The following DNAJC1 variants were observed in gnomAD, a reference collection of about 807,000 sequenced individuals.
The protein encoded by DNAJC1 is dnaJ homolog subfamily C member 1.
Under a neutral mutation model 76.6 loss-of-function variants are expected in DNAJC1, and 58 were observed. The observed-to-expected ratio is 0.76, with a 90% confidence interval of 0.61 to 0.94. The LOEUF (loss-of-function observed/expected upper bound fraction) is 0.94, where lower values mean the gene tolerates loss of function less well. Ranked by LOEUF, DNAJC1 falls within the 40% of genes least tolerant of loss-of-function variation. The pLI, the probability that DNAJC1 is intolerant of heterozygous loss-of-function variation, is 0.00. For missense variants in DNAJC1, 689 were observed against 677.3 expected (o/e 1.02, Z -0.19); for synonymous variants, 258 against 267.9 (o/e 0.96, Z 0.36).
chr10:21,804,414 A>T (rs1834856932), intron 9 of DNAJC1, among the ~76,000 whole-genome samples: 1 of 152,054 alleles, frequency 6.6e-6, no homozygotes, highest in Non-Finnish European at 1.5e-5. Flanking sequence ...GTTTCTTTTG[A>T]TAATCACTGT....
At chr10:21,867,837 C>T (rs905115642) in intron 8 of DNAJC1, among the ~76,000 whole-genome samples, 7 of 151,670 alleles carry the variant, frequency 4.6e-5, no homozygotes, top group South Asian at 2.1e-4. Context: ...TTTGGGAGGC[C>T]GAGGCGGGCA....
chr10:21,834,254 A>T (rs892904701), intron 8 of DNAJC1, among the ~76,000 whole-genome samples: 1 of 151,696 alleles, frequency 6.6e-6, no homozygotes, highest in African/African-American at 2.4e-5. Context: ...ACAGAGCAAG[A>T]CTCCATCTCA....
chr10:21,934,512 C>G (rs908055026), intron 1 of DNAJC1, among the ~76,000 whole-genome samples: 1 of 152,162 alleles, frequency 6.6e-6, no homozygotes, highest in African/African-American at 2.4e-5. Context: ...TCACCCAGAG[C>G]AACTTCCACT....
chr10:21,786,452 AT>A (rs1227488994), intron 9 of DNAJC1, among the ~76,000 whole-genome samples: 2 of 119,128 alleles, frequency 1.7e-5, no homozygotes, highest in African/African-American at 6.9e-5. Context: ...ATATATATAT[AT>A]ATATATATAT....
At chr10:21,876,642 A>G (rs1836192655) in intron 8 of DNAJC1, among the ~76,000 whole-genome samples, 1 of 152,226 alleles carries the variant, frequency 6.6e-6, no homozygotes, top group African/African-American at 2.4e-5. Flanking sequence ...TGTACTAGAT[A>G]CCTATCATGA....
intron 9 of DNAJC1, among the ~76,000 whole-genome samples, chr10:21,797,074 C>T (rs1834757627): frequency 6.6e-6 from 1 of 152,036 alleles, no homozygotes; most frequent in Non-Finnish European, 1.5e-5. Flanking sequence ...CATTTTATGG[C>T]TTCAGGTCTT....
At chr10:21,795,969 G>A (rs1230121731) in intron 9 of DNAJC1, among the ~76,000 whole-genome samples, 1 of 143,856 alleles carries the variant, frequency 7.0e-6, no homozygotes, top group Non-Finnish European at 1.5e-5. Context: ...TGGGATTTCC[G>A]CTTTTTTTTT....
At chr10:21,909,623 C>A (rs1338545808) in intron 6 of DNAJC1, among the ~76,000 whole-genome samples, 1 of 152,204 alleles carries the variant, frequency 6.6e-6, no homozygotes, top group Non-Finnish European at 1.5e-5. Context: ...ACTCAACATT[C>A]TGTTTCCCTA....
intron 1 of DNAJC1, among the ~76,000 whole-genome samples, chr10:21,985,432 A>C (rs552452706): frequency 1.3e-5 from 2 of 152,152 alleles, no homozygotes; most frequent in Admixed American, 1.3e-4. Flanking sequence ...TATTTTTAGC[A>C]GAGGTGGGGT....
intron 8 of DNAJC1, among the ~76,000 whole-genome samples, chr10:21,809,011 G>C (rs895141318): frequency 1.3e-5 from 2 of 152,114 alleles, no homozygotes; most frequent in African/African-American, 4.8e-5. Flanking sequence ...AGCAACCAAA[G>C]TAAGAACTGA....
intron 1 of DNAJC1, among the ~76,000 whole-genome samples, chr10:21,953,963 AT>A: frequency 6.6e-6 from 1 of 152,010 alleles, no homozygotes; most frequent in East Asian, 1.9e-4. Flanking sequence ...ATCAAATTAT[AT>A]AAAAAAGTTG....
chr10:21,960,301 G>T (rs957055994), intron 1 of DNAJC1, among the ~76,000 whole-genome samples: 1 of 152,040 alleles, frequency 6.6e-6, no homozygotes, highest in Non-Finnish European at 1.5e-5. Flanking sequence ...TAACAGGAAA[G>T]AACAGAATCA....
chr10:21,999,143 A>G (rs1838472235), intron 1 of DNAJC1, among the ~76,000 whole-genome samples: 1 of 152,172 alleles, frequency 6.6e-6, no homozygotes, highest in African/African-American at 2.4e-5. Flanking sequence ...AGAATGTTCT[A>G]TATTAATTGT....
chr10:21,883,743 C>T (rs1359459519), intron 7 of DNAJC1, among the ~76,000 whole-genome samples: 2 of 152,182 alleles, frequency 1.3e-5, no homozygotes, highest in African/African-American at 4.8e-5. Context: ...CTGCAGTTTG[C>T]TGCTGTTACC....
chr10:21,858,510 A>G (rs1835874391), intron 8 of DNAJC1, among the ~76,000 whole-genome samples: 2 of 152,240 alleles, frequency 1.3e-5, no homozygotes, highest in South Asian at 2.1e-4. Flanking sequence ...ACAAGGTTTC[A>G]TGGAAGAAAA....
At chr10:21,838,052 C>T (rs1446037737) in intron 8 of DNAJC1, among the ~76,000 whole-genome samples, 6 of 151,694 alleles carry the variant, frequency 4.0e-5, no homozygotes, top group African/African-American at 7.3e-5. Context: ...AGGTGGGGGG[C>T]GCCTCTGCCT....
intron 8 of DNAJC1, among the ~76,000 whole-genome samples, chr10:21,872,980 C>T (rs1836127368): frequency 1.3e-5 from 2 of 152,152 alleles, no homozygotes; most frequent in South Asian, 2.1e-4. Flanking sequence ...AGTTAAAGAA[C>T]GACCCCTGAC....
At chr10:21,956,004 T>C (rs1837674215) in intron 1 of DNAJC1, among the ~76,000 whole-genome samples, 1 of 152,218 alleles carries the variant, frequency 6.6e-6, no homozygotes, top group African/African-American at 2.4e-5. Flanking sequence ...TACAGGCCAA[T>C]CTCATTATCT....
chr10:21,766,154 A>C (rs1455111536), intron 10 of DNAJC1, 107 bp downstream of exon 10: 8 of 887,916 alleles, frequency 9.0e-6, no homozygotes, highest in Middle Eastern at 2.4e-4. Context: ...TTTAGAGTTC[A>C]TTAGGCAAAA....
Sources: allele counts gnomAD v4.1 joint callset (sites outside exome capture counted in the v4.1 genomes callset), GRCh38; gene constraint gnomAD v4.1.1; transcripts MANE v1.5; gene names NCBI Gene and HGNC (gene_info 2026-07-23, HGNC 2026-07-21).